CALN1: variants seen among roughly 807,000 people sequenced by gnomAD.
The protein encoded by CALN1 is calcium-binding protein 8.
A neutral mutation model predicts 30.6 loss-of-function variants in CALN1; 17 were observed. That is an observed-to-expected ratio of 0.56 (90% CI 0.38 to 0.83). The LOEUF is 0.83. Ranked by LOEUF, CALN1 falls within the 40% of genes least tolerant of loss-of-function variation. The pLI, the probability that CALN1 is intolerant of heterozygous loss-of-function variation, is 0.00. For synonymous variants in CALN1, 156 were observed against 131.4 expected (o/e 1.19, Z -1.28); for missense variants, 291 against 354.9 (o/e 0.82, Z 1.45).
At position 71,879,529 on chromosome 7, in the gene CALN1, A is replaced by C. The variant is rs1390992040; in HGVS notation, c.502-69037T>G. Among the ~76,000 whole-genome samples the C allele has an allele frequency of 3.3e-5, 5 of 152,158 alleles. No individual in the cohort carries two copies. In the East Asian group the frequency reaches 9.6e-4, roughly 29 times the overall value. On this transcript the variant is annotated intron_variant, in intron 5 of 6. Coordinates refer to ENST00000395275, the MANE Select transcript of CALN1 (RefSeq NM_031468.4). ...AAGAGCAGAGATTGTGGGGTTTCTG[A>C]AAGTTGTAGAGACCTGTCCCCTCCT...
At chr7:72,247,882 C>A (rs1236665326) in intron 3 of CALN1, among the ~76,000 whole-genome samples, 1 of 152,156 alleles carries the variant, frequency 6.6e-6, no homozygotes, top group Admixed American at 6.5e-5. Context: ...CCTGTAGTCC[C>A]AGCTACTTGG....
intron 1 of CALN1, among the ~76,000 whole-genome samples, chr7:72,443,713 A>G (rs1808431176): frequency 1.3e-5 from 2 of 151,816 alleles, no homozygotes; most frequent in South Asian, 4.2e-4. Flanking sequence ...CACACTATTT[A>G]GCCCCCATCC....
intron 1 of CALN1, among the ~76,000 whole-genome samples, chr7:72,437,783 CTTCCTTCCT>C: frequency 7.3e-6 from 1 of 137,786 alleles, no homozygotes; most frequent in Non-Finnish European, 1.6e-5. Flanking sequence ...TCCTTCCTCC[CTTCCTTCCT>C]TTCCTTCCTA....
intron 5 of CALN1, among the ~76,000 whole-genome samples, chr7:72,005,405 T>G (rs1484422438): frequency 6.6e-6 from 1 of 152,182 alleles, no homozygotes; most frequent in Non-Finnish European, 1.5e-5. Flanking sequence ...CACGGCTCAC[T>G]ACAGCCTGGA....
chr7:72,255,938 CA>C (rs540697437), intron 3 of CALN1, among the ~76,000 whole-genome samples: 207 of 152,220 alleles, frequency 1.4e-3, no homozygotes, highest in African/African-American at 4.8e-3. Context: ...CCATGTTGGT[CA>C]GGCTGGTCTC....
chr7:72,054,322 C>G (rs1803037748), intron 4 of CALN1, among the ~76,000 whole-genome samples: 1 of 151,226 alleles, frequency 6.6e-6, no homozygotes, highest in Non-Finnish European at 1.5e-5. Flanking sequence ...GATGATATCT[C>G]ATTGTGGTTT....
chr7:72,223,414 A>G (rs1372983964), intron 3 of CALN1, among the ~76,000 whole-genome samples: 1 of 152,172 alleles, frequency 6.6e-6, no homozygotes, highest in African/African-American at 2.4e-5. Flanking sequence ...GCTTCTAACT[A>G]GTATGGAAGG....
At chr7:72,163,542 T>C (rs1483263416) in intron 3 of CALN1, among the ~76,000 whole-genome samples, 2 of 152,130 alleles carry the variant, frequency 1.3e-5, no homozygotes, top group East Asian at 3.9e-4. Flanking sequence ...GAGGAAAATA[T>C]GTCCTAATAG....
At chr7:72,211,976 G>C (rs1004996390) in intron 3 of CALN1, among the ~76,000 whole-genome samples, 2 of 152,178 alleles carry the variant, frequency 1.3e-5, no homozygotes, top group African/African-American at 4.8e-5. Flanking sequence ...ACTCGTAATA[G>C]ATGCTTGATG....
At chr7:72,230,124 G>C (rs1278079642) in intron 3 of CALN1, among the ~76,000 whole-genome samples, 1 of 151,918 alleles carries the variant, frequency 6.6e-6, no homozygotes, top group Non-Finnish European at 1.5e-5. Context: ...CTGGGCAACA[G>C]AGCAAGACTC....
chr7:72,295,814 G>T (rs944896407), intron 2 of CALN1, among the ~76,000 whole-genome samples: 4 of 151,756 alleles, frequency 2.6e-5, no homozygotes, highest in Admixed American at 2.6e-4. Flanking sequence ...TGCAAAGAGG[G>T]ACAATTTGAC....
chr7:72,429,347 G>A (rs1807899976), intron 1 of CALN1, among the ~76,000 whole-genome samples: 1 of 152,128 alleles, frequency 6.6e-6, no homozygotes, highest in Non-Finnish European at 1.5e-5. Context: ...AACATCTCCA[G>A]CACCTAGAAT....
intron 4 of CALN1, among the ~76,000 whole-genome samples, chr7:72,094,531 G>C (rs1806087096): frequency 6.6e-6 from 1 of 152,178 alleles, no homozygotes; most frequent in Admixed American, 6.5e-5. Flanking sequence ...TGGGATTACA[G>C]GCGTGAGCCA....
chr7:72,131,274 T>C (rs1449582982), intron 3 of CALN1, among the ~76,000 whole-genome samples: 1 of 152,136 alleles, frequency 6.6e-6, no homozygotes, highest in Non-Finnish European at 1.5e-5. Context: ...TACAAGATCC[T>C]TAAAGATGAA....
At chr7:72,360,606 AT>A (rs564045355) in intron 2 of CALN1, among the ~76,000 whole-genome samples, 5,440 of 145,210 alleles carry the variant, frequency 0.037, 277 homozygotes, top group African/African-American at 0.12. Context: ...TTTCTTTTCT[AT>A]TTTTTTTTTA....
chr7:72,111,513 A>T (rs908801490), intron 3 of CALN1, among the ~76,000 whole-genome samples: 1 of 152,124 alleles, frequency 6.6e-6, no homozygotes, highest in African/African-American at 2.4e-5. Flanking sequence ...GCTGAAGTGC[A>T]GTGGCACCAT....
intron 3 of CALN1, among the ~76,000 whole-genome samples, chr7:72,215,749 T>A (rs1185561770): frequency 6.6e-6 from 1 of 152,004 alleles, no homozygotes; most frequent in Non-Finnish European, 1.5e-5. Flanking sequence ...CCAGCTAGGA[T>A]CTCCCTGCAA....
chr7:72,406,623 T>TC (rs35785881), intron 1 of CALN1, among the ~76,000 whole-genome samples: 16 of 44,742 alleles, frequency 3.6e-4, no homozygotes, highest in Non-Finnish European at 3.1e-4. Flanking sequence ...AGCTTTTTTT[T>TC]TTTTCTTTTT....
At chr7:72,435,575 G>A (rs891243875) in intron 1 of CALN1, among the ~76,000 whole-genome samples, 10 of 152,192 alleles carry the variant, frequency 6.6e-5, no homozygotes, top group Admixed American at 4.6e-4. Context: ...GCACAGAAGC[G>A]AGGCAGCAGC....
Sources: allele counts gnomAD v4.1 joint callset (sites outside exome capture counted in the v4.1 genomes callset), GRCh38; gene constraint gnomAD v4.1.1; transcripts MANE v1.5; gene names NCBI Gene and HGNC (gene_info 2026-07-23, HGNC 2026-07-21).